The following CATSPERT variants were observed in gnomAD, a reference collection of about 807,000 sequenced individuals.
CATSPERT encodes cation channel sperm-associated targeting subunit tau.
At chr2:201,542,216 T>C in the CATSPERT span, among the ~76,000 whole-genome samples, 1 of 152,234 alleles carries the variant, frequency 6.6e-6, no homozygotes, top group Non-Finnish European at 1.5e-5. Flanking sequence ...GGTCTAGAAC[T>C]GAACCTGCAA....
chr2:201,509,536 C>G, the CATSPERT span, among the ~76,000 whole-genome samples: 3 of 150,820 alleles, frequency 2.0e-5, 1 homozygote, highest in African/African-American at 7.5e-5. Context: ...TTAGACCCCT[C>G]AAACCACTTC....
the CATSPERT span, among the ~76,000 whole-genome samples, chr2:201,599,498 G>A: frequency 6.6e-6 from 1 of 151,988 alleles, no homozygotes; most frequent in African/African-American, 2.4e-5. Flanking sequence ...TTGTTAGATT[G>A]TTAGTGTTTA....
At chr2:201,610,329 G>A in the CATSPERT span, among the ~76,000 whole-genome samples, 370 of 152,142 alleles carry the variant, frequency 2.4e-3, no homozygotes, top group African/African-American at 8.3e-3. Context: ...GTGGTGGCGG[G>A]CGCCTGTAGT....
chr2:201,564,890 C>G, the CATSPERT span, among the ~76,000 whole-genome samples: 190 of 151,542 alleles, frequency 1.3e-3, no homozygotes, highest in African/African-American at 4.4e-3. Context: ...TAAATATGTT[C>G]AAAGAATTAA....
chr2:201,577,145 A>G, the CATSPERT span, among the ~76,000 whole-genome samples: 1 of 152,208 alleles, frequency 6.6e-6, no homozygotes, highest in Non-Finnish European at 1.5e-5. Flanking sequence ...AATTACCACC[A>G]GCCTATGTAT....
the CATSPERT span, among the ~76,000 whole-genome samples, chr2:201,604,145 ATGTG>A: frequency 1.7e-4 from 25 of 148,382 alleles, no homozygotes; most frequent in South Asian, 1.5e-3. Flanking sequence ...GTGTGTGTGT[ATGTG>A]TGTGTGTGTG....
the CATSPERT span, among the ~76,000 whole-genome samples, chr2:201,496,284 T>A: frequency 6.6e-6 from 1 of 152,180 alleles, no homozygotes; most frequent in African/African-American, 2.4e-5. Flanking sequence ...TAAAAGGCTG[T>A]GAGATGCCTT....
the CATSPERT span, among the ~76,000 whole-genome samples, chr2:201,607,960 T>A: frequency 6.6e-6 from 1 of 152,184 alleles, no homozygotes; most frequent in Non-Finnish European, 1.5e-5. Context: ...AGAAAATAAA[T>A]GTCTGAGGTT....
At chr2:201,528,267 G>A in the CATSPERT span, among the ~76,000 whole-genome samples, 2 of 152,252 alleles carry the variant, frequency 1.3e-5, no homozygotes, top group Middle Eastern at 3.4e-3. Context: ...AACAATAGAT[G>A]CTGGTGAGGC....
the CATSPERT span, among the ~76,000 whole-genome samples, chr2:201,577,926 T>C: frequency 1.2e-4 from 18 of 152,292 alleles, 1 homozygote; most frequent in African/African-American, 3.8e-4. Flanking sequence ...TTGGTTTGAT[T>C]GAATCTTTTT....
At chr2:201,610,148 T>C in the CATSPERT span, among the ~76,000 whole-genome samples, 1,354 of 149,746 alleles carry the variant, frequency 9.0e-3, 22 homozygotes, top group African/African-American at 0.031. Context: ...AGTAATGAGA[T>C]TGAAGCAGTA....
chr2:201,563,163 C>T, the CATSPERT span, among the ~76,000 whole-genome samples: 3 of 61,940 alleles, frequency 4.8e-5, no homozygotes, highest in East Asian at 1.3e-3. Context: ...CCACCTCCCT[C>T]CCGGACGGGG....
chr2:201,489,466 C>CA, the CATSPERT span, among the ~76,000 whole-genome samples: 1 of 151,916 alleles, frequency 6.6e-6, no homozygotes, highest in Non-Finnish European at 1.5e-5. Flanking sequence ...AAGAAAAATC[C>CA]AAAATTGAAA....
chr2:201,603,768 G>T, the CATSPERT span, among the ~76,000 whole-genome samples: 1 of 152,226 alleles, frequency 6.6e-6, no homozygotes, highest in Non-Finnish European at 1.5e-5. Context: ...AAATGTTAAA[G>T]AAAATTGCAT....
chr2:201,489,529 AAT>A, the CATSPERT span, among the ~76,000 whole-genome samples: 1 of 152,208 alleles, frequency 6.6e-6, no homozygotes, highest in Non-Finnish European at 1.5e-5. Context: ...TTAGCTGTAT[AAT>A]ATATAGTGTG....
the CATSPERT span, among the ~76,000 whole-genome samples, chr2:201,586,725 AT>A: frequency 1.4e-5 from 2 of 140,030 alleles, no homozygotes; most frequent in Non-Finnish European, 3.1e-5. Flanking sequence ...TATATTCCAA[AT>A]TTTGCATAAT....
At chr2:201,563,186 C>CA in the CATSPERT span, among the ~76,000 whole-genome samples, 2 of 108,874 alleles carry the variant, frequency 1.8e-5, no homozygotes, top group African/African-American at 3.5e-5. Context: ...GCTGGCCGGG[C>CA]GGGGGCTGAC....
At chr2:201,609,643 T>C in the CATSPERT span, among the ~76,000 whole-genome samples, 5 of 152,128 alleles carry the variant, frequency 3.3e-5, no homozygotes, top group Middle Eastern at 3.2e-3. Flanking sequence ...TTGAAACTCA[T>C]ACAAATTGAA....
the CATSPERT span, among the ~76,000 whole-genome samples, chr2:201,543,626 T>G: frequency 6.6e-6 from 1 of 152,290 alleles, no homozygotes; most frequent in East Asian, 1.9e-4. Flanking sequence ...AAACTGGAAT[T>G]ATTTTCTTGA....
Sources: allele counts gnomAD v4.1 joint callset (sites outside exome capture counted in the v4.1 genomes callset), GRCh38; gene constraint gnomAD v4.1.1; transcripts MANE v1.5; gene names NCBI Gene and HGNC (gene_info 2026-07-23, HGNC 2026-07-21).